Variants in EDNRA observed in about 807,000 individuals in gnomAD.
The protein encoded by EDNRA is endothelin-1 receptor.
EDNRA carries 11 observed loss-of-function variants against 41.4 expected under a neutral mutation model. The observed-to-expected ratio is 0.27, with a 90% CI of 0.17 to 0.44. The LOEUF (loss-of-function observed/expected upper bound fraction) is 0.44. Among genes scored for constraint, EDNRA ranks in the 20% least tolerant of loss-of-function variants. EDNRA has a pLI of 1.00. For synonymous variants in EDNRA, 172 were observed against 183.0 expected, an observed-to-expected ratio of 0.94 and a Z score of 0.49; for missense variants, 294 against 531.0, an observed-to-expected ratio of 0.55 and a Z score of 4.39.
chr4:147,482,634 T>A (rs1728806875), intron 1 of EDNRA, among the ~76,000 whole-genome samples: 1 of 152,178 alleles, frequency 6.6e-6, no homozygotes, highest in African/African-American at 2.4e-5. Flanking sequence ...ATCCCTTAGT[T>A]TTGCAGCTTA....
At chr4:147,514,675 C>T (rs1295790125) in intron 2 of EDNRA, among the ~76,000 whole-genome samples, 1 of 152,040 alleles carries the variant, frequency 6.6e-6, no homozygotes, top group African/African-American at 2.4e-5. Flanking sequence ...GGTTTCACCA[C>T]GTTGGCCAGG....
chr4:147,539,727 T>G, intron 5 of EDNRA, 90 bp from the exon 6 acceptor site: 1 of 1,402,308 alleles, frequency 7.1e-7, no homozygotes, highest in Non-Finnish European at 9.7e-7. Flanking sequence ...ATTCTTTCTC[T>G]GGTGTCTGCT....
At chr4:147,507,218 A>G (rs928517254) in intron 2 of EDNRA, among the ~76,000 whole-genome samples, 12 of 144,360 alleles carry the variant, frequency 8.3e-5, no homozygotes, top group African/African-American at 3.0e-4. Context: ...TGAGGGGGGA[A>G]AAAAAAAAAC....
intron 2 of EDNRA, among the ~76,000 whole-genome samples, chr4:147,511,540 ACTT>A (rs936386724): frequency 1.3e-5 from 2 of 152,222 alleles, no homozygotes; most frequent in Non-Finnish European, 2.9e-5. Context: ...ACAATAAAGA[ACTT>A]AAGTTTCTTC....
chr4:147,495,638 C>T (rs958565456), intron 2 of EDNRA: 13 of 152,216 alleles, frequency 8.5e-5, no homozygotes, highest in African/African-American at 2.4e-4. Context: ...TGCCTCGACA[C>T]CTCTGCTCAG....
chr4:147,528,746 G>A (rs1730645032), intron 3 of EDNRA, among the ~76,000 whole-genome samples: 1 of 152,194 alleles, frequency 6.6e-6, no homozygotes, highest in Non-Finnish European at 1.5e-5. Flanking sequence ...CAGGGTGAGA[G>A]AGACAATTCT....
Position 147,519,771 on chromosome 4 carries a change from G to A in EDNRA, c.421-80G>A. On this transcript the variant is annotated intron_variant, in intron 2 of 7. Transcript: ENST00000651419. This position sits in a 1 kb window ranked among gnomAD's most constrained non-coding sequence, Gnocchi z 4.1. ...ACTGTGAATAAAATTTAGAAGTTGG[G>A]ACGCATAACTAAAACTGTAAGTGCC... The A allele has an allele frequency of 1.3e-6, 2 of 1,490,382 alleles. No homozygotes were observed. Among genetic ancestry groups the A allele is most frequent in the Non-Finnish European group, 1.8e-6 (2 of 1,107,602 alleles). The allele number at this position is 1,490,382 out of a possible 1,614,324, so 92.3% of individuals were successfully genotyped here. A position where few individuals can be genotyped will look rare whatever the true frequency, so the allele number is the denominator to read the frequency against.
At chr4:147,518,920 G>A (rs1051188134) in intron 2 of EDNRA, among the ~76,000 whole-genome samples, 4 of 152,140 alleles carry the variant, frequency 2.6e-5, no homozygotes, top group Non-Finnish European at 5.9e-5. Flanking sequence ...TTAGGTAGCT[G>A]AGCTATTATT....
Position 147,542,864 on chromosome 4 carries a change from TGGGAGCTGG to T in EDNRA, c.*252_*260del, listed in dbSNP as rs1731157860. ...TGTTGTATTCAGCACTAAAAAATGGTGGGAGCTGGGGGAGAATGAAGACTGTTAAATGAA... is the reference window on the plus strand; with the variant it reads ...TGTTGTATTCAGCACTAAAAAATGGTGGGAGAATGAAGACTGTTAAATGAA... On this transcript the variant is annotated 3_prime_UTR_variant, in exon 8 of 8. Transcript: ENST00000651419. 4 of 393,944 alleles carry T rather than the reference TGGGAGCTGG, an allele frequency of 1.0e-5. No homozygotes were observed. The highest frequency in any genetic ancestry group is 8.6e-5 in the Admixed American group (2 of 23,166). 24.4% of individuals were successfully genotyped at this position (393,944 alleles called of 1,614,324 possible).
intron 2 of EDNRA, chr4:147,491,226 G>C (rs1173132494): frequency 6.6e-6 from 1 of 152,176 alleles, no homozygotes; most frequent in Non-Finnish European, 1.5e-5. Flanking sequence ...GAAAAGTCAA[G>C]ACTCTCAATA....
chr4:147,517,613 C>T (rs1336289829), intron 2 of EDNRA, among the ~76,000 whole-genome samples: 1 of 152,180 alleles, frequency 6.6e-6, no homozygotes. Context: ...TGATTTCTTT[C>T]CTTCCCCTTT....
chr4:147,494,387 G>C (rs1028840002), intron 2 of EDNRA: 4 of 152,392 alleles, frequency 2.6e-5, no homozygotes, highest in East Asian at 3.9e-4. Flanking sequence ...TATTGAGTGG[G>C]TGACCTCAAT....
rs1242998781 is a variant in EDNRA at position 147,510,533 on chromosome 4, A to G, written c.421-9318A>G. On this transcript the variant is annotated intron_variant, in intron 2 of 7. Coordinates refer to ENST00000651419, the MANE Select transcript of EDNRA (RefSeq NM_001957.4). ...TAGCTTTAATTTTACATTATTGTTT[A>G]TAACAGACCCGTGGTTGGAAGCTTA... is the stretch of plus-strand genomic sequence containing the variant. Among the ~76,000 whole-genome samples the G allele has an allele frequency of 3.3e-5, 5 of 152,318 alleles. No individual in the cohort carries two copies. In the South Asian group the frequency reaches 6.2e-4, roughly 19 times the overall value.
chr4:147,539,354 T>C (rs1181599563), intron 5 of EDNRA, among the ~76,000 whole-genome samples: 1 of 152,078 alleles, frequency 6.6e-6, no homozygotes, highest in African/African-American at 2.4e-5. Context: ...TATCATGTGA[T>C]GTTCAGTCTC....
At position 147,505,302 on chromosome 4, in the gene EDNRA, A is replaced by T. The variant is rs563822161; in HGVS notation, c.421-14549A>T. On this transcript the variant is annotated intron_variant, in intron 2 of 7. Transcript: ENST00000651419. ...AAACGGAATGTAGAGCCACTCTGTA[A>T]GAGAGTTTGGCAGTTTCTTTTTTCA... Among the ~76,000 whole-genome samples the T allele has an allele frequency of 1.4e-3, 194 of 143,636 alleles. 3 individuals carry two copies. Among genetic ancestry groups the T allele is most frequent in the Non-Finnish European group, 7.8e-4 (52 of 66,666 alleles). The allele number at this position is 143,636 out of a possible 152,430, so 94.2% of individuals were successfully genotyped here.
At position 147,485,994 on chromosome 4, in the gene EDNRA, AT is replaced by A; in HGVS notation, c.316del (p.Tyr106ThrfsTer6). On this transcript the variant is annotated frameshift_variant, in exon 2 of 8. Coordinates refer to ENST00000651419, the MANE Select transcript of EDNRA (RefSeq NM_001957.4). LOFTEE classifies it high-confidence loss of function. ...GGGGAATGCAACTCTGCTCAGGATC[AT>A]TTACCAGAACAAATGTATGAGGAAT... ...MVGNATLLRI[I>X]YQNKCMRNGP... 1 of 1,614,242 alleles carries A rather than the reference AT, an allele frequency of 6.2e-7. No individual in the cohort carries two copies. The highest frequency in any genetic ancestry group is 1.1e-5 in the South Asian group (1 of 91,084).
Position 147,542,916 on chromosome 4 carries a change from T to A in EDNRA, c.*298T>A, listed in dbSNP as rs201032483. On this transcript the variant is annotated 3_prime_UTR_variant, in exon 8 of 8. Transcript: ENST00000651419. ...TAAATGAAACCAGAAGGATATTTAC[T>A]ACTTTTGCATGAAAATAGAGCTTTC... is the stretch of plus-strand genomic sequence containing the variant. The A allele has an allele frequency of 4.4e-6, 1 of 228,572 alleles. No homozygotes were observed. Among genetic ancestry groups the A allele is most frequent in the Non-Finnish European group, 8.5e-6 (1 of 117,578 alleles). 14.2% of individuals were successfully genotyped at this position (228,572 alleles called of 1,614,324 possible).
intron 2 of EDNRA, among the ~76,000 whole-genome samples, chr4:147,504,129 AC>A (rs1729607733): frequency 6.6e-6 from 1 of 151,848 alleles, no homozygotes; most frequent in Non-Finnish European, 1.5e-5. Flanking sequence ...CTCTAGCCTC[AC>A]AAAAAAAAAT....
intron 5 of EDNRA, among the ~76,000 whole-genome samples, chr4:147,538,344 T>C (rs1260510935): frequency 6.6e-6 from 1 of 152,188 alleles, no homozygotes; most frequent in African/African-American, 2.4e-5. Flanking sequence ...ATGGTTTCTA[T>C]TTCATCTAAC....
Sources: allele counts gnomAD v4.1 joint callset (sites outside exome capture counted in the v4.1 genomes callset), GRCh38; gene constraint gnomAD v4.1.1; non-coding constraint Gnocchi (gnomAD v3.1); transcripts MANE v1.5; gene names NCBI Gene and HGNC (gene_info 2026-07-23, HGNC 2026-07-21).